PTPRD: variants seen among roughly 807,000 people sequenced by gnomAD.
The protein encoded by PTPRD is protein tyrosine phosphatase receptor type D.
In PTPRD, 34 loss-of-function variants were observed where a neutral mutation model predicts 214.5. The observed-to-expected ratio is 0.16, with a 90% CI of 0.12 to 0.21. The LOEUF (loss-of-function observed/expected upper bound fraction) is 0.21. PTPRD is among the 10% of genes least tolerant of loss of function. The pLI is 1.00. For synonymous variants in PTPRD, 1,128 were observed against 845.7 expected, an observed-to-expected ratio of 1.33 and a Z score of -5.79; for missense variants, 2,545 against 2,398.7, an observed-to-expected ratio of 1.06 and a Z score of -1.27.
chr9:9,296,404 T>C (rs1399612150), intron 9 of PTPRD, among the ~76,000 whole-genome samples: 2 of 151,786 alleles, frequency 1.3e-5, no homozygotes, highest in Admixed American at 1.3e-4. Flanking sequence ...TATTTCTCTT[T>C]ACCTTCTGAC....
chr9:9,971,148 A>C (rs994185633), intron 4 of PTPRD, among the ~76,000 whole-genome samples: 1 of 152,190 alleles, frequency 6.6e-6, no homozygotes, highest in African/African-American at 2.4e-5. Flanking sequence ...TTAAATAAAA[A>C]GGTAAAACAA....
At chr9:9,580,703 C>G (rs1373761495) in intron 7 of PTPRD, among the ~76,000 whole-genome samples, 2 of 151,844 alleles carry the variant, frequency 1.3e-5, no homozygotes, top group Admixed American at 6.6e-5. Flanking sequence ...AGCCTACCAC[C>G]ATGCCTGCCT....
intron 4 of PTPRD, among the ~76,000 whole-genome samples, chr9:9,979,778 G>C (rs1039621642): frequency 2.6e-5 from 4 of 152,174 alleles, no homozygotes; most frequent in African/African-American, 9.7e-5. Flanking sequence ...CAAACGCACA[G>C]TATTAAAGAG....
chr9:10,129,166 G>A (rs1341870467), intron 3 of PTPRD, among the ~76,000 whole-genome samples: 1 of 152,120 alleles, frequency 6.6e-6, no homozygotes, highest in African/African-American at 2.4e-5. Context: ...GAATTTAAAA[G>A]CCTGCTATTT....
At chr9:9,479,388 T>C (rs1320893301) in intron 8 of PTPRD, among the ~76,000 whole-genome samples, 1 of 149,220 alleles carries the variant, frequency 6.7e-6, no homozygotes, top group Non-Finnish European at 1.5e-5. Flanking sequence ...CTCATTGCTG[T>C]TTTTGTATAT....
intron 8 of PTPRD, among the ~76,000 whole-genome samples, chr9:9,534,968 C>T (rs1401722132): frequency 6.6e-6 from 1 of 152,022 alleles, no homozygotes; most frequent in Non-Finnish European, 1.5e-5. Flanking sequence ...AGATGAGGAA[C>T]AAGTTCCCAC....
intron 2 of PTPRD, among the ~76,000 whole-genome samples, chr9:10,383,136 T>C (rs1227918886): frequency 6.6e-6 from 1 of 151,924 alleles, no homozygotes; most frequent in Non-Finnish European, 1.5e-5. Flanking sequence ...TTTATATTTT[T>C]ACCTTAAAAT....
intron 5 of PTPRD, among the ~76,000 whole-genome samples, chr9:9,915,396 A>G (rs895462764): frequency 1.3e-5 from 2 of 152,110 alleles, no homozygotes; most frequent in African/African-American, 4.8e-5. Context: ...ATAAGGAAAT[A>G]TATGAAATGC....
intron 11 of PTPRD, among the ~76,000 whole-genome samples, chr9:8,993,395 A>G (rs559109785): frequency 4.0e-4 from 61 of 152,270 alleles, no homozygotes; most frequent in East Asian, 2.5e-3. Context: ...TATAGCTACT[A>G]TTATCACAAA....
At chr9:9,608,850 T>C (rs2094346140) in intron 7 of PTPRD, among the ~76,000 whole-genome samples, 1 of 152,222 alleles carries the variant, frequency 6.6e-6, no homozygotes, top group African/African-American at 2.4e-5. Flanking sequence ...TTCTAAGAAT[T>C]ACCTTCTTTC....
At chr9:9,467,610 A>AAAAAAAAAAAAAT (rs71319223) in intron 8 of PTPRD, among the ~76,000 whole-genome samples, 1 of 145,372 alleles carries the variant, frequency 6.9e-6, no homozygotes, top group African/African-American at 2.5e-5. Context: ...AAAAAAAAAA[A>AAAAAAAAAAAAAT]GTTGAGCAGA....
chr9:9,082,997 A>G (rs917218005), intron 10 of PTPRD, among the ~76,000 whole-genome samples: 1 of 152,184 alleles, frequency 6.6e-6, no homozygotes, highest in Non-Finnish European at 1.5e-5. Context: ...TATAGATTCA[A>G]TGCTATTCCC....
At chr9:8,583,279 C>A (rs2154254532) in intron 14 of PTPRD, among the ~76,000 whole-genome samples, 1 of 150,076 alleles carries the variant, frequency 6.7e-6, no homozygotes, top group Admixed American at 6.6e-5. Flanking sequence ...TCTTAACAGG[C>A]CAGAGACCAG....
At chr9:8,613,727 A>C (rs1400227348) in intron 14 of PTPRD, among the ~76,000 whole-genome samples, 1 of 152,148 alleles carries the variant, frequency 6.6e-6, no homozygotes, top group Non-Finnish European at 1.5e-5. Flanking sequence ...TGTCTGCATG[A>C]ACACAAAATG....
chr9:8,844,217 A>C (rs1346874353), intron 11 of PTPRD, among the ~76,000 whole-genome samples: 1 of 152,178 alleles, frequency 6.6e-6, no homozygotes, highest in African/African-American at 2.4e-5. Flanking sequence ...ACAATCTTTT[A>C]TCTATGGATT....
intron 9 of PTPRD, among the ~76,000 whole-genome samples, chr9:9,273,247 T>C (rs910138875): frequency 5.3e-5 from 8 of 151,276 alleles, no homozygotes; most frequent in African/African-American, 1.9e-4. Context: ...AACTACCAAA[T>C]AAATGGAACT....
At chr9:9,544,309 T>G (rs1358585697) in intron 8 of PTPRD, among the ~76,000 whole-genome samples, 2 of 151,696 alleles carry the variant, frequency 1.3e-5, no homozygotes, top group Admixed American at 6.6e-5. Context: ...ATTAAAAGCT[T>G]ATTTTTAGGT....
chr9:9,339,760 C>G (rs553263326), intron 9 of PTPRD, among the ~76,000 whole-genome samples: 1 of 152,194 alleles, frequency 6.6e-6, no homozygotes, highest in South Asian at 2.1e-4. Context: ...GCTTATTACC[C>G]TAAATGATTG....
chr9:10,598,692 G>GTGTC (rs2077192479), intron 2 of PTPRD, among the ~76,000 whole-genome samples: 1 of 102,492 alleles, frequency 9.8e-6, no homozygotes, highest in Non-Finnish European at 2.0e-5. Context: ...GTGTGTGTGT[G>GTGTC]TGTGTGTGTG....
Sources: gnomAD v4.1 joint callset for allele counts (sites outside exome capture counted in the v4.1 genomes callset) on GRCh38, gnomAD v4.1.1 for gene constraint, MANE v1.5 for transcripts, NCBI Gene and HGNC (gene_info 2026-07-23, HGNC 2026-07-21) for gene names.